Variants in PIEZO1 observed in about 807,000 individuals in gnomAD.
The protein encoded by PIEZO1 is piezo type mechanosensitive ion channel component 1 (Er blood group), also known as piezo-type mechanosensitive ion channel component 1.
In PIEZO1, 296 loss-of-function variants were observed where a neutral mutation model predicts 297.2. That is an observed-to-expected ratio of 1.00 (90% CI 0.91 to 1.10). The LOEUF (loss-of-function observed/expected upper bound fraction) is 1.10, where lower values mean the gene tolerates loss of function less well. Ranked by LOEUF, PIEZO1 falls within the 50% of genes least tolerant of loss-of-function variation. The pLI is 0.00. For synonymous variants in PIEZO1, 2,427 were observed against 1,507.5 expected, an observed-to-expected ratio of 1.61 and a Z score of -14.13; for missense variants, 5,018 against 3,455.5, an observed-to-expected ratio of 1.45 and a Z score of -11.34.
chr16:88,721,633 G>A lies in PIEZO1; in HGVS notation c.5308C>T (p.Pro1770Ser), dbSNP rs1226000317. The part of the protein sequence containing the change: ...LRRYENKPYF[P>S]PRILGLEKTD... ...TTCTCCAGGCCCAGGATGCGGGGCGGGAAGTAGGGCTTGTTCTCGTAGCGC... is the reference window on the plus strand; with the variant it reads ...TTCTCCAGGCCCAGGATGCGGGGCGAGAAGTAGGGCTTGTTCTCGTAGCGC... The change falls in exon 38 of 51, where the codon CCG becomes TCG. Residue 1770 changes from proline (P) to serine (S), a missense_variant. Coordinates refer to ENST00000301015, the MANE Select transcript of PIEZO1 (RefSeq NM_001142864.4). The A allele has an allele frequency of 9.0e-6, 14 of 1,550,214 alleles. No homozygotes were observed. Among genetic ancestry groups the A allele is most frequent in the African/African-American group, 1.4e-5 (1 of 73,186 alleles).
rs1029888460 is a variant in PIEZO1 at position 88,731,766 on chromosome 16, C to A, written c.3136G>T (p.Ala1046Ser). The change falls in exon 22 of 51, where the codon GCG (alanine) becomes TCG (serine). Residue 1046 changes from alanine (A) to serine (S), a missense_variant. Physicochemically the swap from Ala to Ser is moderately conservative, Grantham distance 99. Transcript: ENST00000301015. ...AGGTACTGGTACAGCAGGAACAGCG[C>A]CAGGAAGAGGCAGTAGTTGGGCCAG... is the stretch of plus-strand genomic sequence containing the variant. ...RLWPNYCLFL[A>S]LFLLYQYLLC... 2.6e-6 allele frequency: 4 copies of A among 1,549,522 alleles called. No homozygotes were observed. Among genetic ancestry groups the A allele is most frequent in the Non-Finnish European group, 2.6e-6 (3 of 1,146,794 alleles).
At chr16:88,724,987 C>T (rs1385396315) in intron 30 of PIEZO1, 22 bp downstream of exon 30, 1 of 1,436,132 alleles carries the variant, frequency 7.0e-7, no homozygotes. Context: ...AGGGTGGCCA[C>T]AGGCGGCCTA....
intron 1 of PIEZO1, among the ~76,000 whole-genome samples, chr16:88,758,837 C>T (rs1906794304): frequency 6.6e-6 from 1 of 152,238 alleles, no homozygotes; most frequent in Admixed American, 6.5e-5. Flanking sequence ...GTGCCTGACA[C>T]ATAGCATGAG....
At chr16:88,729,706 C>T (rs1379335771) in intron 22 of PIEZO1, among the ~76,000 whole-genome samples, 6 of 135,446 alleles carry the variant, frequency 4.4e-5, no homozygotes, top group South Asian at 2.5e-4. Flanking sequence ...CATGCTGAAC[C>T]CACAGCCCCA....
intron 1 of PIEZO1, among the ~76,000 whole-genome samples, chr16:88,779,477 G>A (rs77870776): frequency 0.011 from 1,690 of 152,310 alleles, 19 homozygotes; most frequent in South Asian, 0.033. Flanking sequence ...CTCCTTTCCT[G>A]GCTAGCTTGG....
intron 23 of PIEZO1, 66 bp downstream of exon 23, chr16:88,727,491 A>G: frequency 1.5e-6 from 1 of 677,440 alleles, no homozygotes. Flanking sequence ...ACTTGTGAGC[A>G]GATTTGGGGG....
rs747781647 is a variant in PIEZO1, at chr16:88,721,731, G to T, written c.5215-5C>A. The T allele has an allele frequency of 5.9e-6, 9 of 1,538,340 alleles. No homozygotes were observed. Among genetic ancestry groups the T allele is most frequent in the Non-Finnish European group, 7.9e-6 (9 of 1,141,364 alleles). ...GTACTTGACGACCACCGCGATCTGTGGGGGAGGGGGCTCAGCACGCGGGGA... is the reference window on the plus strand; with the variant it reads ...GTACTTGACGACCACCGCGATCTGTTGGGGAGGGGGCTCAGCACGCGGGGA... On this transcript the variant is annotated splice_polypyrimidine_tract_variant and splice_region_variant and intron_variant, in intron 37 of 50. Coordinates refer to ENST00000301015, the MANE Select transcript of PIEZO1 (RefSeq NM_001142864.4).
At position 88,732,701 on chromosome 16, in the gene PIEZO1, G is replaced by C. The variant is rs755628262; in HGVS notation, c.2696C>G (p.Thr899Arg). The C allele has an allele frequency of 6.5e-7, 1 of 1,548,916 alleles. No homozygotes were observed. The highest frequency in any genetic ancestry group is 1.4e-5 in the African/African-American group (1 of 73,028). ...PFPNSTNLLPTEISQSLLYRG... is the reference protein window; with the variant it reads ...PFPNSTNLLPREISQSLLYRG... The stretch of plus-strand genomic sequence containing the variant: ...GTACAGCAGGGACTGGCTGATCTCC[G>C]TGGGCAGCAAGTTGGTGCTGTTGGG... Residue 899 changes from threonine to arginine, a missense_variant, in exon 20 of 51, where the codon ACG (threonine) becomes AGG (arginine). Thr to Arg is a moderately conservative substitution (Grantham distance 71). Coordinates refer to ENST00000301015, the MANE Select transcript of PIEZO1 (RefSeq NM_001142864.4).
chr16:88,742,489 G>A, intron 2 of PIEZO1, 67 bp from the exon 3 acceptor site: 2 of 1,488,096 alleles, frequency 1.3e-6, no homozygotes, highest in Non-Finnish European at 9.0e-7. Context: ...AGGCCGCTCA[G>A]CCGGACAATA....
At position 88,733,610 on chromosome 16, in the gene PIEZO1, G is replaced by T; in HGVS notation, c.2465C>A (p.Thr822Asn). Residue 822 changes from threonine (T) to asparagine (N), a missense_variant, in exon 18 of 51, where the codon ACC becomes AAC. Transcript: ENST00000301015. ...LHVFKLVALY[T>N]VWVALKEVSV... ...CACCTCCTTCAGGGCCACCCAGACG[G>T]TGTACAGGGCCACCAGCTTGAAAAC... 6.5e-7 allele frequency: 1 copy of T among 1,548,424 alleles called. No homozygotes were observed. Among genetic ancestry groups the T allele is most frequent in the Non-Finnish European group, 8.7e-7 (1 of 1,145,708 alleles).
intron 30 of PIEZO1, among the ~76,000 whole-genome samples, chr16:88,724,348 T>C (rs1358889519): frequency 1.3e-5 from 2 of 151,846 alleles, no homozygotes; most frequent in East Asian, 1.9e-4. Flanking sequence ...CTGGCCAATA[T>C]GGTGAAACCC....
intron 44 of PIEZO1, chr16:88,717,826 A>T (rs973379455): frequency 2.3e-6 from 1 of 442,750 alleles, no homozygotes. Context: ...AAAACAGAAA[A>T]AACTCTAATA....
At chr16:88,749,047 C>G (rs941341576) in intron 2 of PIEZO1, among the ~76,000 whole-genome samples, 1 of 150,708 alleles carries the variant, frequency 6.6e-6, no homozygotes, top group Non-Finnish European at 1.5e-5. Context: ...ACCATCCTGG[C>G]TATCACGGTG....
Position 88,737,781 on chromosome 16 carries a change from C to T in PIEZO1, c.1054G>A (p.Glu352Lys). Residue 352 changes from glutamate to lysine, a missense_variant, in exon 9 of 51, where the codon GAG becomes AAG. Glu to Lys is a moderately conservative substitution (Grantham distance 56). Coordinates refer to ENST00000301015, the MANE Select transcript of PIEZO1 (RefSeq NM_001142864.4). ...TGGTCCAGCTCTGCTAGCTCCAGCT[C>T]CCGAGCCTCATACCCCTTTGCCGCC... Reference protein sequence around the residue: ...KEAAKGYEARELELAELDQWP... With the variant: ...KEAAKGYEARKLELAELDQWP... 4 of 1,535,808 alleles carry T rather than the reference C, an allele frequency of 2.6e-6. No homozygotes were observed. Among genetic ancestry groups the T allele is most frequent in the South Asian group, 1.2e-5 (1 of 84,062 alleles).
chr16:88,741,167 C>G (rs1180245795), intron 5 of PIEZO1: 1 of 252,856 alleles, frequency 4.0e-6, no homozygotes, highest in African/African-American at 2.3e-5. Flanking sequence ...ACCCACTGCC[C>G]AGCACTGCAG....
At chr16:88,757,553 G>A (rs1906737444) in intron 1 of PIEZO1, among the ~76,000 whole-genome samples, 1 of 151,884 alleles carries the variant, frequency 6.6e-6, no homozygotes, top group South Asian at 2.1e-4. Context: ...GAGCCAATGG[G>A]CTGGACTGAG....
intron 21 of PIEZO1, 101 bp downstream of exon 21, chr16:88,732,234 A>C (rs1193949650): frequency 9.4e-7 from 1 of 1,068,570 alleles, no homozygotes; most frequent in Non-Finnish European, 1.4e-6. Flanking sequence ...GGCCCAGGCA[A>C]ACCCAGGTGG....
chr16:88,725,552 T>A (rs545782788), intron 28 of PIEZO1, 33 bp from the exon 29 acceptor site: 1 of 1,535,566 alleles, frequency 6.5e-7, no homozygotes, highest in Admixed American at 2.0e-5. Flanking sequence ...ATGCTGAGCA[T>A]TGGGGGGAGG....
Position 88,726,931 on chromosome 16 carries a change from G to A in PIEZO1, c.3483C>T (p.Ala1161=), listed in dbSNP as rs570192828. 36 of 1,550,390 alleles carry A rather than the reference G, an allele frequency of 2.3e-5. No homozygotes were observed. In the East Asian group the frequency reaches 3.2e-4, roughly 14 times the overall value. Residue 1161 remains alanine, a synonymous_variant, in exon 25 of 51, where the codon GCC becomes GCT. Transcript: ENST00000301015. Reference sequence around the variant, plus strand: ...CCAGCCAGAACAGGTATCGGAAGACGGCCACCTTCAGCATGTCAAGGTAGG... The same window carrying A: ...CCAGCCAGAACAGGTATCGGAAGACAGCCACCTTCAGCATGTCAAGGTAGG... The part of the protein sequence containing the change: ...CRSYLDMLKV[A]VFRYLFWLVL...
Sources: gnomAD v4.1 joint callset for allele counts (sites outside exome capture counted in the v4.1 genomes callset) on GRCh38, gnomAD v4.1.1 for gene constraint, MANE v1.5 for transcripts, NCBI Gene and HGNC (gene_info 2026-07-23, HGNC 2026-07-21) for gene names.